The following MARCHF1 variants were observed in gnomAD, a reference collection of about 807,000 sequenced individuals.
MARCHF1 encodes membrane associated ring-CH-type finger 1, also known as E3 ubiquitin-protein ligase MARCHF1.
Under a neutral mutation model 54.2 loss-of-function variants are expected in MARCHF1, and 40 were observed. The observed-to-expected ratio is 0.74, with a 90% confidence interval of 0.57 to 0.96. The LOEUF is 0.96. MARCHF1 is among the 40% of genes least tolerant of loss of function. The pLI is 0.00. For synonymous variants in MARCHF1, 236 were observed against 236.3 expected (o/e 1.00, Z 0.01); for missense variants, 586 against 656.5 (o/e 0.89, Z 1.17).
At chr4:164,216,430 T>A (rs1018868504) in intron 1 of MARCHF1, among the ~76,000 whole-genome samples, 1 of 152,112 alleles carries the variant, frequency 6.6e-6, no homozygotes, top group African/African-American at 2.4e-5. Flanking sequence ...ATCTCTGAAT[T>A]TAAGGTGAAA....
chr4:164,132,032 T>C (rs542233242), intron 1 of MARCHF1, among the ~76,000 whole-genome samples: 519 of 152,216 alleles, frequency 3.4e-3, no homozygotes, highest in Middle Eastern at 0.01. Context: ...AAGAAATTAG[T>C]CACAGAACAG....
chr4:164,119,608 CATAAA>C (rs1282178735), intron 1 of MARCHF1, among the ~76,000 whole-genome samples: 10 of 151,454 alleles, frequency 6.6e-5, no homozygotes, highest in Non-Finnish European at 1.2e-4. Flanking sequence ...CAAACTAATA[CATAAA>C]ATAAATAAAT....
chr4:164,121,906 G>A (rs114317585), intron 1 of MARCHF1, among the ~76,000 whole-genome samples: 7,163 of 151,758 alleles, frequency 0.047, 276 homozygotes, highest in East Asian at 0.19. Context: ...TGAAACTACA[G>A]GCCAATATCT....
chr4:163,854,535 C>T (rs1749718918), intron 3 of MARCHF1, among the ~76,000 whole-genome samples: 1 of 152,116 alleles, frequency 6.6e-6, no homozygotes. Context: ...ATAATATCTA[C>T]ATATTTCAAT....
At chr4:163,796,762 T>C (rs1747930021) in intron 4 of MARCHF1, among the ~76,000 whole-genome samples, 1 of 152,142 alleles carries the variant, frequency 6.6e-6, no homozygotes, top group Admixed American at 6.6e-5. Flanking sequence ...TTATATTCAT[T>C]AGGCTTATTT....
intron 7 of MARCHF1, among the ~76,000 whole-genome samples, chr4:163,608,568 CT>C (rs1171722132): frequency 6.6e-6 from 1 of 152,032 alleles, no homozygotes; most frequent in African/African-American, 2.4e-5. Context: ...AATGCAATTC[CT>C]TTTTCAAAAA....
chr4:164,234,936 T>C (rs1732506057), intron 1 of MARCHF1: 1 of 152,080 alleles, frequency 6.6e-6, no homozygotes, highest in South Asian at 2.1e-4. Flanking sequence ...AGAAAACAAG[T>C]GATTTCATAC....
At chr4:164,019,568 C>T (rs183542306) in intron 2 of MARCHF1, among the ~76,000 whole-genome samples, 3 of 152,150 alleles carry the variant, frequency 2.0e-5, no homozygotes, top group East Asian at 1.9e-4. Flanking sequence ...ACTAGAATGA[C>T]GTGAAATTAA....
At position 164,154,233 on chromosome 4, in the gene MARCHF1, A is replaced by G. The variant is rs557250261; in HGVS notation, c.-322-42571T>C. On this transcript the variant is annotated intron_variant, in intron 1 of 9. Coordinates refer to ENST00000514618, the MANE Select transcript of MARCHF1 (RefSeq NM_001394959.1). Reference sequence around the variant, plus strand: ...CATTAGGCCATTTAAAAGAAAAAGAAAAAGTTTCTAGTCATGCTGTAAAAT... The same window carrying G: ...CATTAGGCCATTTAAAAGAAAAAGAGAAAGTTTCTAGTCATGCTGTAAAAT... 4.8e-3 allele frequency among the ~76,000 whole-genome samples: 708 copies of G among 146,688 alleles called. 6 individuals carry two copies. The highest frequency in any genetic ancestry group is 0.017 in the African/African-American group (652 of 37,878).
At chr4:164,126,498 GA>G (rs1756182878) in intron 1 of MARCHF1, among the ~76,000 whole-genome samples, 1 of 152,160 alleles carries the variant, frequency 6.6e-6, no homozygotes, top group Non-Finnish European at 1.5e-5. Context: ...AATTGGTATG[GA>G]GAAGTGGCGG....
chr4:163,726,421 T>C (rs1316921348), intron 4 of MARCHF1, among the ~76,000 whole-genome samples: 3 of 152,220 alleles, frequency 2.0e-5, no homozygotes, highest in Non-Finnish European at 4.4e-5. Flanking sequence ...ATTTAACTTT[T>C]CTACATGTCT....
chr4:163,834,135 T>C (rs1749110008), intron 4 of MARCHF1, among the ~76,000 whole-genome samples: 1 of 152,130 alleles, frequency 6.6e-6, no homozygotes, highest in Non-Finnish European at 1.5e-5. Context: ...AGACAAAAAA[T>C]TGTACTTGTA....
intron 1 of MARCHF1, among the ~76,000 whole-genome samples, chr4:164,260,305 G>A (rs1733428098): frequency 2.0e-5 from 3 of 151,956 alleles, no homozygotes; most frequent in African/African-American, 7.3e-5. Flanking sequence ...TGAGACCACT[G>A]GGTTCAGTAA....
chr4:163,524,439 C>T (rs998029698), downstream of MARCHF1: 4 of 152,068 alleles, frequency 2.6e-5, no homozygotes, highest in African/African-American at 4.8e-5. Flanking sequence ...TTTCTATATC[C>T]AAGACTTATT....
intron 4 of MARCHF1, among the ~76,000 whole-genome samples, chr4:163,842,160 A>G (rs1389834266): frequency 6.6e-6 from 1 of 152,122 alleles, no homozygotes; most frequent in African/African-American, 2.4e-5. Flanking sequence ...TTCCTCCAGA[A>G]ATGTAGTGGA....
chr4:164,310,118 G>C (rs7697244), intron 1 of MARCHF1, among the ~76,000 whole-genome samples: 2 of 150,968 alleles, frequency 1.3e-5, no homozygotes, highest in African/African-American at 4.9e-5. Context: ...TCGCTCTGTC[G>C]CCAGGCTGGT....
At position 164,193,581 on chromosome 4, in the gene MARCHF1, T is replaced by C. The variant is rs376696526; in HGVS notation, c.-322-81919A>G. 7.9e-5 allele frequency among the ~76,000 whole-genome samples: 12 copies of C among 152,046 alleles called. No individual in the cohort carries two copies. In the East Asian group the frequency reaches 1.9e-3, roughly 24 times the overall value. On this transcript the variant is annotated intron_variant, in intron 1 of 9. Coordinates refer to ENST00000514618, the MANE Select transcript of MARCHF1 (RefSeq NM_001394959.1). ...TGTTCAATTGAGTAAATGGAATACA[T>C]TTCATGTGTCAATGTGGCTGCTGGC...
At chr4:164,102,915 G>A (rs1431060143) in intron 2 of MARCHF1, among the ~76,000 whole-genome samples, 5 of 109,696 alleles carry the variant, frequency 4.6e-5, no homozygotes, top group South Asian at 3.1e-4. Flanking sequence ...AAAGGATGGA[G>A]GAAGATCTAC....
chr4:163,963,764 C>G (rs1330382584), intron 3 of MARCHF1, among the ~76,000 whole-genome samples: 1 of 151,890 alleles, frequency 6.6e-6, no homozygotes, highest in African/African-American at 2.4e-5. Flanking sequence ...AGCACCTACC[C>G]TAAGACTATT....
Sources: gnomAD v4.1 joint callset for allele counts (sites outside exome capture counted in the v4.1 genomes callset) on GRCh38, gnomAD v4.1.1 for gene constraint, MANE v1.5 for transcripts, NCBI Gene and HGNC (gene_info 2026-07-23, HGNC 2026-07-21) for gene names.